The following TMIGD3 variants were observed in gnomAD, a reference collection of about 807,000 sequenced individuals.
TMIGD3 encodes transmembrane and immunoglobulin domain containing 3, also known as AD026 protein (AD026).
TMIGD3 carries 21 observed loss-of-function variants against 28.1 expected under a neutral mutation model. The observed-to-expected ratio is 0.75, with a 90% confidence interval of 0.53 to 1.08. The LOEUF is 1.08. Ranked by LOEUF, TMIGD3 falls within the 50% of genes least tolerant of loss-of-function variation. The pLI, the probability that TMIGD3 is intolerant of heterozygous loss-of-function variation, is 0.00. For synonymous variants in TMIGD3, 151 were observed against 162.1 expected, an observed-to-expected ratio of 0.93 and a Z score of 0.52; for missense variants, 416 against 435.6, an observed-to-expected ratio of 0.96 and a Z score of 0.40.
At chr1:111,500,705 A>G in intron 1 of TMIGD3, 1 of 771,886 alleles carries the variant, frequency 1.3e-6, no homozygotes, top group Non-Finnish European at 2.1e-6. Context: ...CAGCATTGAT[A>G]TCCTATGGTG....
intron 1 of TMIGD3, among the ~76,000 whole-genome samples, chr1:111,540,185 A>G (rs1025045805): frequency 9.2e-5 from 14 of 152,232 alleles, no homozygotes; most frequent in Non-Finnish European, 2.1e-4. Context: ...GCTCTTCCTC[A>G]TATGTTTCTG....
upstream of TMIGD3, among the ~76,000 whole-genome samples, chr1:111,508,441 A>G (rs1176989507): frequency 6.6e-6 from 1 of 152,226 alleles, no homozygotes; most frequent in Non-Finnish European, 1.5e-5. Context: ...TGCTGCCGAG[A>G]AAGAAAACGG....
At chr1:111,552,743 C>G (rs1213383514) in intron 1 of TMIGD3, among the ~76,000 whole-genome samples, 1 of 152,148 alleles carries the variant, frequency 6.6e-6, no homozygotes, top group Non-Finnish European at 1.5e-5. Flanking sequence ...CTACCACTTC[C>G]TACATGCATG....
rs1247344540 is a variant in TMIGD3, at chr1:111,490,781, T to A, written c.351-19A>T. On this transcript the variant is annotated intron_variant, in intron 1 of 5. Coordinates refer to ENST00000369716, the MANE Select transcript of TMIGD3 (RefSeq NM_020683.7). ...TCTGAATCTGTTTAAGGGAAACAGA[T>A]ATGCTTGAGCTTAATATGGCTTTAT... is the stretch of plus-strand genomic sequence containing the variant. 1 of 1,575,882 alleles carries A rather than the reference T, an allele frequency of 6.3e-7. No individual in the cohort carries two copies. The highest frequency in any genetic ancestry group is 8.7e-7 in the Non-Finnish European group (1 of 1,146,868).
At chr1:111,534,929 A>T (rs1193768580) in intron 1 of TMIGD3, among the ~76,000 whole-genome samples, 1 of 152,230 alleles carries the variant, frequency 6.6e-6, no homozygotes, top group Non-Finnish European at 1.5e-5. Context: ...ATTCCGAACT[A>T]AAACACAACA....
intron 1 of TMIGD3, among the ~76,000 whole-genome samples, chr1:111,542,943 C>T (rs1360182814): frequency 1.3e-5 from 2 of 152,134 alleles, no homozygotes; most frequent in African/African-American, 4.8e-5. Context: ...GTGATCCTCC[C>T]ACTTTGGCCT....
At chr1:111,551,697 T>C (rs1657263755) in intron 1 of TMIGD3, among the ~76,000 whole-genome samples, 1 of 152,140 alleles carries the variant, frequency 6.6e-6, no homozygotes, top group African/African-American at 2.4e-5. Flanking sequence ...ATCTATGTAG[T>C]TATCATTACC....
intron 1 of TMIGD3, among the ~76,000 whole-genome samples, chr1:111,552,802 G>A (rs1031429787): frequency 6.6e-6 from 1 of 152,166 alleles, no homozygotes; most frequent in Admixed American, 6.5e-5. Flanking sequence ...TTTAACATCT[G>A]TAAAATGGGA....
At chr1:111,538,573 T>G (rs996745520) in intron 1 of TMIGD3, among the ~76,000 whole-genome samples, 3 of 152,216 alleles carry the variant, frequency 2.0e-5, no homozygotes, top group African/African-American at 7.2e-5. Flanking sequence ...TTACCTTTGA[T>G]GTGCCAGGAA....
chr1:111,526,611 A>G (rs1278929330), intron 1 of TMIGD3, among the ~76,000 whole-genome samples: 1 of 152,196 alleles, frequency 6.6e-6, no homozygotes, highest in East Asian at 1.9e-4. Context: ...CACATTTATT[A>G]CAATGAAAGA....
Position 111,500,696 on chromosome 1 carries a change from A to T in TMIGD3, c.350+2309T>A. ...CTCCAATCTTCTGCTAAGAGAGGGC[A>T]GCATTGATATCCTATGGTGATTCCA... is the stretch of plus-strand genomic sequence containing the variant. On this transcript the variant is annotated intron_variant, in intron 1 of 5. Transcript: ENST00000369716. 3 of 822,480 alleles carry T rather than the reference A, an allele frequency of 3.6e-6. No homozygotes were observed. The South Asian group carries it at 5.0e-5, about 14-fold the overall frequency. The allele number at this position is 822,480 out of a possible 1,614,324, so 50.9% of individuals were successfully genotyped here. A position where few individuals can be genotyped will look rare whatever the true frequency, so the allele number is the denominator to read the frequency against.
intron 1 of TMIGD3, among the ~76,000 whole-genome samples, chr1:111,510,221 A>G (rs1188129963): frequency 2.6e-5 from 4 of 151,734 alleles, no homozygotes; most frequent in Admixed American, 1.3e-4. Flanking sequence ...CCTACCCGCA[A>G]CTCCTGCATC....
At chr1:111,557,524 T>C (rs1657549267) in intron 1 of TMIGD3, among the ~76,000 whole-genome samples, 1 of 151,588 alleles carries the variant, frequency 6.6e-6, no homozygotes, top group Non-Finnish European at 1.5e-5. Context: ...CACTCCAGCC[T>C]GGGCAATAGA....
At chr1:111,519,200 A>G (rs1030631765) in intron 1 of TMIGD3, among the ~76,000 whole-genome samples, 2 of 152,114 alleles carry the variant, frequency 1.3e-5, no homozygotes, top group Admixed American at 1.3e-4. Context: ...CGGCCTCCCA[A>G]AGTGCTGGGA....
intron 1 of TMIGD3, among the ~76,000 whole-genome samples, chr1:111,514,273 G>A (rs531063547): frequency 6.6e-5 from 10 of 152,246 alleles, no homozygotes; most frequent in African/African-American, 1.4e-4. Flanking sequence ...TGGGATGTGC[G>A]GCAGCTCACA....
intron 1 of TMIGD3, among the ~76,000 whole-genome samples, chr1:111,527,407 T>C (rs994925778): frequency 1.3e-5 from 2 of 152,258 alleles, no homozygotes; most frequent in African/African-American, 4.8e-5. Flanking sequence ...TCTATTCACC[T>C]ACTGTAAAAC....
At chr1:111,501,441 G>C (rs1486619230) in intron 1 of TMIGD3, 1 of 152,058 alleles carries the variant, frequency 6.6e-6, no homozygotes, top group African/African-American at 2.4e-5. Flanking sequence ...ACAAACAGGA[G>C]ATATTTTATT....
intron 1 of TMIGD3, among the ~76,000 whole-genome samples, chr1:111,495,264 T>C (rs148669613): frequency 6.6e-6 from 1 of 152,158 alleles, no homozygotes; most frequent in East Asian, 1.9e-4. Flanking sequence ...CTTAAACAAA[T>C]TTACAAGAAA....
chr1:111,552,798 A>G (rs61788210), intron 1 of TMIGD3, among the ~76,000 whole-genome samples: 57,962 of 152,056 alleles, frequency 0.38, 11,439 homozygotes, highest in Non-Finnish European at 0.45. Flanking sequence ...CAGTTTTAAC[A>G]TCTGTAAAAT....
Sources: allele counts gnomAD v4.1 joint callset (sites outside exome capture counted in the v4.1 genomes callset), GRCh38; gene constraint gnomAD v4.1.1; transcripts MANE v1.5; gene names NCBI Gene and HGNC (gene_info 2026-07-23, HGNC 2026-07-21).